ROBO2: variants seen among roughly 807,000 people sequenced by gnomAD.
The protein encoded by ROBO2 is roundabout homolog 2.
Under a neutral mutation model 160.8 loss-of-function variants are expected in ROBO2, and 53 were observed. That is an observed-to-expected ratio of 0.33 (90% CI 0.26 to 0.41). The LOEUF is 0.41. Ranked by LOEUF, ROBO2 falls within the 10% of genes least tolerant of loss-of-function variation. The pLI, the probability that ROBO2 is intolerant of heterozygous loss-of-function variation, is 1.00. For missense variants in ROBO2, 1,577 were observed against 1,722.4 expected (o/e 0.92, Z 1.49); for synonymous variants, 664 against 611.7 (o/e 1.09, Z -1.26).
intron 2 of ROBO2, among the ~76,000 whole-genome samples, chr3:76,733,187 C>G (rs189467166): frequency 2.0e-5 from 3 of 152,252 alleles, no homozygotes; most frequent in African/African-American, 7.2e-5. Flanking sequence ...ATTCTTCAGG[C>G]TGTGTCCCTG....
intron 2 of ROBO2, among the ~76,000 whole-genome samples, chr3:76,698,145 G>A (rs1258303853): frequency 2.0e-5 from 3 of 152,084 alleles, no homozygotes; most frequent in Admixed American, 2.0e-4. Flanking sequence ...TTTTCCATCT[G>A]TACTATGTTA....
intron 2 of ROBO2, among the ~76,000 whole-genome samples, chr3:75,939,454 C>G (rs78768406): frequency 6.6e-6 from 1 of 152,116 alleles, no homozygotes; most frequent in South Asian, 2.1e-4. Flanking sequence ...TATTAAAAAA[C>G]AGCCTGAAAT....
intron 2 of ROBO2, among the ~76,000 whole-genome samples, chr3:76,379,308 G>A (rs913917060): frequency 4.7e-5 from 7 of 149,430 alleles, no homozygotes; most frequent in African/African-American, 1.5e-4. Context: ...TAAACAAGAA[G>A]TTTATAAATA....
chr3:77,343,979 AAAC>A (rs2067347554), intron 2 of ROBO2, among the ~76,000 whole-genome samples: 1 of 152,322 alleles, frequency 6.6e-6, no homozygotes, highest in African/African-American at 2.4e-5. Flanking sequence ...ATAGAATGGA[AAAC>A]AACAATAAGC....
chr3:77,568,604 A>C (rs746683092), intron 13 of ROBO2, among the ~76,000 whole-genome samples, 170 bp downstream of exon 14: 1 of 152,104 alleles, frequency 6.6e-6, no homozygotes, highest in Non-Finnish European at 1.5e-5. Flanking sequence ...TAGAATAACC[A>C]TAGTAAGAAT....
At chr3:76,701,384 A>C (rs1372255451) in intron 2 of ROBO2, among the ~76,000 whole-genome samples, 1 of 152,092 alleles carries the variant, frequency 6.6e-6, no homozygotes, top group Admixed American at 6.6e-5. Flanking sequence ...TGAGAGTCAG[A>C]TGTGTGTTTT....
intron 2 of ROBO2, among the ~76,000 whole-genome samples, chr3:77,225,119 G>C (rs2086319348): frequency 6.6e-6 from 1 of 151,824 alleles, no homozygotes; most frequent in Non-Finnish European, 1.5e-5. Flanking sequence ...TATCCCTCCT[G>C]TTCTTTACTG....
chr3:77,612,735 A>T (rs1361300099), intron 21 of ROBO2, among the ~76,000 whole-genome samples: 4 of 152,144 alleles, frequency 2.6e-5, no homozygotes, highest in Non-Finnish European at 4.4e-5. Context: ...TCACGAGGTT[A>T]GGAGATCGTG....
intron 2 of ROBO2, among the ~76,000 whole-genome samples, chr3:76,271,331 G>A (rs563510668): frequency 1.6e-4 from 25 of 151,898 alleles, no homozygotes; most frequent in African/African-American, 5.8e-4. Flanking sequence ...TTTAACAACT[G>A]TTCCTTGTTT....
chr3:76,853,368 TAA>T (rs1336027898), intron 2 of ROBO2, among the ~76,000 whole-genome samples: 1 of 152,120 alleles, frequency 6.6e-6, no homozygotes, highest in Non-Finnish European at 1.5e-5. Flanking sequence ...GGATTTATTC[TAA>T]GACTTGTTCT....
At chr3:76,071,798 CTTA>C (rs139083276) in intron 2 of ROBO2, among the ~76,000 whole-genome samples, 3,128 of 151,750 alleles carry the variant, frequency 0.021, 44 homozygotes, top group East Asian at 0.081. Context: ...TGATTATAAT[CTTA>C]TTATTATTAA....
At chr3:77,271,210 A>G (rs1327572137) in intron 2 of ROBO2, among the ~76,000 whole-genome samples, 1 of 152,160 alleles carries the variant, frequency 6.6e-6, no homozygotes, top group Non-Finnish European at 1.5e-5. Context: ...ATTGAATAAT[A>G]TTATCTCCTC....
intron 2 of ROBO2, among the ~76,000 whole-genome samples, chr3:77,286,675 T>C (rs1250876277): frequency 6.6e-6 from 1 of 152,220 alleles, no homozygotes; most frequent in Non-Finnish European, 1.5e-5. Context: ...TTGTTTTATC[T>C]ATGTCTGTTA....
chr3:76,297,539 A>G (rs1475087047), intron 2 of ROBO2, among the ~76,000 whole-genome samples: 1 of 152,146 alleles, frequency 6.6e-6, no homozygotes, highest in Non-Finnish European at 1.5e-5. Context: ...ACAGTGTGTC[A>G]TTCTTTACAT....
chr3:77,182,881 G>A (rs148020380), intron 2 of ROBO2, among the ~76,000 whole-genome samples: 10 of 152,100 alleles, frequency 6.6e-5, no homozygotes, highest in Non-Finnish European at 1.2e-4. Context: ...TAAAATACAA[G>A]TCACCAAATC....
At chr3:75,927,124 CA>C (rs1057226040) in intron 1 of ROBO2, among the ~76,000 whole-genome samples, 62 of 152,156 alleles carry the variant, frequency 4.1e-4, no homozygotes, top group African/African-American at 1.4e-3. Context: ...CATTCTTTAT[CA>C]AGGTCCTCTT....
At chr3:77,272,113 G>A (rs903117797) in intron 2 of ROBO2, among the ~76,000 whole-genome samples, 1 of 152,084 alleles carries the variant, frequency 6.6e-6, no homozygotes, top group Non-Finnish European at 1.5e-5. Flanking sequence ...TTGTCTGATC[G>A]TCTTAAACCC....
chr3:77,574,766 A>T (rs1355707221), intron 14 of ROBO2, 36 bp downstream of exon 15: 9 of 1,491,168 alleles, frequency 6.0e-6, no homozygotes, highest in Non-Finnish European at 6.5e-6. Flanking sequence ...ATCAAACATG[A>T]TGAAACCAAT....
chr3:77,309,826 A>T (rs932400510), intron 2 of ROBO2, among the ~76,000 whole-genome samples: 2 of 152,336 alleles, frequency 1.3e-5, no homozygotes, highest in Middle Eastern at 3.4e-3. Context: ...TGAAGGGTCC[A>T]TAGAGAGATA....
Sources: gnomAD v4.1 joint callset for allele counts (sites outside exome capture counted in the v4.1 genomes callset) on GRCh38, gnomAD v4.1.1 for gene constraint, MANE v1.5 for transcripts, NCBI Gene and HGNC (gene_info 2026-07-23, HGNC 2026-07-21) for gene names.